The following CRTC1 variants were observed in gnomAD, a reference collection of about 807,000 sequenced individuals.
CRTC1 encodes CREB-regulated transcription coactivator 1.
Under a neutral mutation model 66.1 loss-of-function variants are expected in CRTC1, and 18 were observed. That is an observed-to-expected ratio of 0.27 (90% CI 0.19 to 0.40). CRTC1 has a LOEUF of 0.40. CRTC1 is among the 10% of genes least tolerant of loss of function. The pLI, the probability that CRTC1 is intolerant of heterozygous loss-of-function variation, is 1.00. For synonymous variants in CRTC1, 416 were observed against 398.8 expected, an observed-to-expected ratio of 1.04 and a Z score of -0.51; for missense variants, 669 against 887.9, an observed-to-expected ratio of 0.75 and a Z score of 3.13.
At chr19:18,730,213 C>T (rs904784662) in intron 1 of CRTC1, among the ~76,000 whole-genome samples, 5 of 152,224 alleles carry the variant, frequency 3.3e-5, no homozygotes, top group East Asian at 3.9e-4. Flanking sequence ...GCAGCCCTTA[C>T]GAGGTAAGGG....
At chr19:18,727,577 T>A (rs2053787813) in intron 1 of CRTC1, among the ~76,000 whole-genome samples, 1 of 26,260 alleles carries the variant, frequency 3.8e-5, no homozygotes, top group Non-Finnish European at 6.3e-5. Flanking sequence ...CAAGACTCTG[T>A]CTCAAAAAAA....
At chr19:18,748,767 T>C (rs915659539) in intron 4 of CRTC1, among the ~76,000 whole-genome samples, 1 of 148,790 alleles carries the variant, frequency 6.7e-6, no homozygotes, top group Non-Finnish European at 1.5e-5. Flanking sequence ...TACACACACA[T>C]GTTAGTAAAC....
chr19:18,718,292 T>C (rs746046272), intron 1 of CRTC1, among the ~76,000 whole-genome samples: 2 of 152,116 alleles, frequency 1.3e-5, no homozygotes, highest in African/African-American at 2.4e-5. Context: ...CAGCATCACA[T>C]GTTCAGTTTC....
At chr19:18,712,567 G>A (rs1375555680) in intron 1 of CRTC1, among the ~76,000 whole-genome samples, 2 of 151,966 alleles carry the variant, frequency 1.3e-5, no homozygotes, top group African/African-American at 2.4e-5. Flanking sequence ...GCCCTAATTA[G>A]CCATGTTAAA....
rs73923157 is a variant in CRTC1 at position 18,741,824 on chromosome 19, G to A, written c.127-1086G>A. Among the ~76,000 whole-genome samples the A allele has an allele frequency of 0.015, 2,323 of 152,304 alleles. 33 individuals carry two copies. Among genetic ancestry groups the A allele is most frequent in the Middle Eastern group, 0.031 (9 of 294 alleles). On this transcript the variant is annotated intron_variant, in intron 1 of 13. Transcript: ENST00000321949. The surrounding 1 kb of genome is among the most constrained non-coding windows in gnomAD (Gnocchi z 4.2). Reference sequence around the variant, plus strand: ...GTTTACCTGGGCGAGGTGCTCAGCCGGGCAGGTGGCCAGTTCCCGGGCTTT... The same window carrying A: ...GTTTACCTGGGCGAGGTGCTCAGCCAGGCAGGTGGCCAGTTCCCGGGCTTT...
chr19:18,777,485 G>T lies in CRTC1; in HGVS notation c.*103G>T. The T allele has an allele frequency of 8.7e-7, 1 of 1,150,326 alleles. No individual in the cohort carries two copies. The highest frequency in any genetic ancestry group is 1.3e-6 in the Non-Finnish European group (1 of 779,530). The allele number at this position is 1,150,326 out of a possible 1,614,324, so 71.3% of individuals were successfully genotyped here. On this transcript the variant is annotated 3_prime_UTR_variant, in exon 14 of 14. Coordinates refer to ENST00000321949, the MANE Select transcript of CRTC1 (RefSeq NM_015321.3). This position sits in a 1 kb window ranked among gnomAD's most constrained non-coding sequence, Gnocchi z 5.5. ...CGCCAACGGCCGAGCTTGTGATTCT[G>T]AGCTTGCAATGCCGCCAAGCGCCCC...
intron 4 of CRTC1, among the ~76,000 whole-genome samples, chr19:18,749,291 G>A (rs2054312486): frequency 6.6e-6 from 1 of 152,196 alleles, no homozygotes; most frequent in Admixed American, 6.5e-5. Flanking sequence ...CACTGGGTTT[G>A]TGTGACACTG....
At position 18,775,712 on chromosome 19, in the gene CRTC1, C is replaced by G. The variant is rs1258832626; in HGVS notation, c.1584C>G (p.Asn528Lys). Residue 528 changes from asparagine (N) to lysine (K), a missense_variant, in exon 13 of 14, where the codon AAC becomes AAG. Asn to Lys is a moderately conservative substitution (Grantham distance 94). This residue lies in a region of CRTC1 where 79 missense variants were observed against 100.1 expected (regional missense o/e 0.79). Coordinates refer to ENST00000321949, the MANE Select transcript of CRTC1 (RefSeq NM_015321.3). ...SSLYSPGSTL[N>K]YSQAAMMGLT... ...TGTACAGCCCGGGCTCCACACTCAACTACTCGCAGGCGGCCATGATGGGCC... is the reference window on the plus strand; with the variant it reads ...TGTACAGCCCGGGCTCCACACTCAAGTACTCGCAGGCGGCCATGATGGGCC... The G allele has an allele frequency of 6.2e-7, 1 of 1,612,788 alleles. No individual in the cohort carries two copies. The highest frequency in any genetic ancestry group is 2.2e-5 in the East Asian group (1 of 44,860).
chr19:18,715,377 G>A (rs952498135), intron 1 of CRTC1, among the ~76,000 whole-genome samples: 56 of 152,122 alleles, frequency 3.7e-4, no homozygotes, highest in Admixed American at 9.2e-4. Flanking sequence ...ACAGGTGCAC[G>A]ACACCACGCC....
rs762484927 is a variant in CRTC1 at position 18,760,077 on chromosome 19, C to T, written c.735C>T (p.Ser245=). 3.1e-6 allele frequency: 5 copies of T among 1,613,680 alleles called. No homozygotes were observed. Among genetic ancestry groups the T allele is most frequent in the Non-Finnish European group, 4.2e-6 (5 of 1,179,746 alleles). ...CCGCCACCCACAACACAGGGGGGTCCCTGCCCGACCTGACCAACATCCACT... is the reference window on the plus strand; with the variant it reads ...CCGCCACCCACAACACAGGGGGGTCTCTGCCCGACCTGACCAACATCCACT... The part of the protein sequence containing the change: ...LIPATHNTGG[S]LPDLTNIHFP... The change falls in exon 8 of 14, where the codon TCC becomes TCT. Residue 245 remains serine, a synonymous_variant. Transcript: ENST00000321949. This position sits in a 1 kb window ranked among gnomAD's most constrained non-coding sequence, Gnocchi z 6.2.
At position 18,764,430 on chromosome 19, in the gene CRTC1, T is replaced by C. The variant is rs2054683834; in HGVS notation, c.887-974T>C. 2.6e-5 allele frequency among the ~76,000 whole-genome samples: 4 copies of C among 152,352 alleles called. No homozygotes were observed. The South Asian group carries it at 8.3e-4, about 32-fold the overall frequency. On this transcript the variant is annotated intron_variant, in intron 8 of 13. Coordinates refer to ENST00000321949, the MANE Select transcript of CRTC1 (RefSeq NM_015321.3). ...CAGGCCAGGCTCGCAGGGGTCCTCC[T>C]GCCATCGAGGGGCCTGTTGCCTGCC...
At chr19:18,756,345 A>AC (rs2054486758) in intron 6 of CRTC1, among the ~76,000 whole-genome samples, 2 of 150,538 alleles carry the variant, frequency 1.3e-5, no homozygotes, top group Non-Finnish European at 3.0e-5. Flanking sequence ...AAAAAAAAAA[A>AC]AAAAAAAAAA....
intron 1 of CRTC1, among the ~76,000 whole-genome samples, chr19:18,703,141 C>G (rs2053185558): frequency 6.6e-6 from 1 of 152,140 alleles, no homozygotes; most frequent in East Asian, 1.9e-4. Context: ...TGCCACCACG[C>G]CCGGCTAATT....
intron 1 of CRTC1, among the ~76,000 whole-genome samples, chr19:18,689,526 CAG>C (rs1411164527): frequency 1.0e-4 from 1 of 9,926 alleles, no homozygotes; most frequent in Non-Finnish European, 1.7e-4. Context: ...GCCTGGGCGA[CAG>C]AGTGAGACTC....
At chr19:18,688,799 G>T (rs905334178) in intron 1 of CRTC1, among the ~76,000 whole-genome samples, 1 of 152,126 alleles carries the variant, frequency 6.6e-6, no homozygotes, top group Admixed American at 6.5e-5. Context: ...CCACTCAGTG[G>T]CTTTTAGTAT....
rs572396568 is a variant in CRTC1 at position 18,687,584 on chromosome 19, C to T, written c.126+3756C>T. Among the ~76,000 whole-genome samples, 78 of 152,272 alleles carry T rather than the reference C, an allele frequency of 5.1e-4. 1 individual carries two copies. Among genetic ancestry groups the T allele is most frequent in the African/African-American group, 1.8e-3 (76 of 41,526 alleles). On this transcript the variant is annotated intron_variant, in intron 1 of 13. Transcript: ENST00000321949. ...CTCCTGCAGCCATGGCGCGCTGCCT[C>T]CCATACTGTAGACAGCAGGGGTTTG...
At chr19:18,752,265 G>A (rs1341038753) in intron 5 of CRTC1, among the ~76,000 whole-genome samples, 1 of 152,206 alleles carries the variant, frequency 6.6e-6, no homozygotes, top group Admixed American at 6.5e-5. Flanking sequence ...CGTTGGTTCA[G>A]CCTCTTCTGT....
At chr19:18,709,551 G>C (rs779245313) in intron 1 of CRTC1, among the ~76,000 whole-genome samples, 1 of 152,188 alleles carries the variant, frequency 6.6e-6, no homozygotes, top group Non-Finnish European at 1.5e-5. Context: ...AGCAGAGAGG[G>C]CATCTGAGGG....
intron 1 of CRTC1, among the ~76,000 whole-genome samples, chr19:18,711,790 A>C (rs759896966): frequency 6.6e-6 from 1 of 152,118 alleles, no homozygotes; most frequent in Non-Finnish European, 1.5e-5. Context: ...TCTTCCTTAT[A>C]CACATGTGGG....
Sources: gnomAD v4.1 joint callset for allele counts (sites outside exome capture counted in the v4.1 genomes callset) on GRCh38, gnomAD v4.1.1 for gene constraint, gnomAD v4.1.1 regional missense constraint, Gnocchi (gnomAD v3.1) non-coding constraint, MANE v1.5 for transcripts, NCBI Gene and HGNC (gene_info 2026-07-23, HGNC 2026-07-21) for gene names.